MEIOB: variants seen among roughly 807,000 people sequenced by gnomAD.
The protein encoded by MEIOB is meiosis-specific with OB domain-containing protein.
A neutral mutation model predicts 53.1 loss-of-function variants in MEIOB; 50 were observed. That is an observed-to-expected ratio of 0.94 (90% CI 0.75 to 1.19). The LOEUF (loss-of-function observed/expected upper bound fraction) is 1.19, where lower values mean the gene tolerates loss of function less well. Ranked by LOEUF, MEIOB falls within the 50% of genes most tolerant of loss-of-function variation. The pLI is 0.00. For synonymous variants in MEIOB, 192 were observed against 182.5 expected, an observed-to-expected ratio of 1.05 and a Z score of -0.42; for missense variants, 551 against 550.8, an observed-to-expected ratio of 1.00 and a Z score of 0.00.
At chr16:1,841,327 C>T (rs1207009816) in intron 11 of MEIOB, among the ~76,000 whole-genome samples, 1 of 152,096 alleles carries the variant, frequency 6.6e-6, no homozygotes. Flanking sequence ...CTGCAGTTTA[C>T]TTTCTATGCA....
chr16:1,844,624 G>A (rs1898987005), intron 10 of MEIOB, among the ~76,000 whole-genome samples: 1 of 150,800 alleles, frequency 6.6e-6, no homozygotes, highest in Admixed American at 6.6e-5. Flanking sequence ...ATGATACCTG[G>A]CTAATTTTTG....
intron 4 of MEIOB, among the ~76,000 whole-genome samples, chr16:1,860,777 C>T (rs1414311748): frequency 6.6e-6 from 1 of 152,088 alleles, no homozygotes; most frequent in Non-Finnish European, 1.5e-5. Flanking sequence ...TGTTCAATGA[C>T]CCTATTATTC....
intron 6 of MEIOB, among the ~76,000 whole-genome samples, chr16:1,856,412 C>T (rs868679087): frequency 8.6e-5 from 13 of 151,432 alleles, no homozygotes; most frequent in South Asian, 8.4e-4. Context: ...CTCTGCCTCC[C>T]GGGTTCACGC....
At chr16:1,849,131 A>G (rs1276476456) in intron 9 of MEIOB, among the ~76,000 whole-genome samples, 1 of 151,978 alleles carries the variant, frequency 6.6e-6, no homozygotes, top group African/African-American at 2.4e-5. Context: ...CGAAAAGTAC[A>G]AAAATTAGGC....
intron 11 of MEIOB, chr16:1,839,687 A>G: frequency 2.4e-6 from 1 of 418,730 alleles, no homozygotes; most frequent in Non-Finnish European, 4.3e-6. Flanking sequence ...CCCTCTGCCA[A>G]GCCCTCGAGG....
Position 1,841,858 on chromosome 16 carries a change from G to A in MEIOB, c.996C>T (p.Asn332=), listed in dbSNP as rs1276546738. 1.9e-6 allele frequency: 3 copies of A among 1,602,012 alleles called. No homozygotes were observed. The highest frequency in any genetic ancestry group is 2.3e-5 in the South Asian group (2 of 87,374). ...CTACTTTTGTAGTTTCATCATCAAT[G>A]TTGAGTGTGGAAATGTAGGCATAAA... ...GILYAYISTL[N]IDDETTKVVR... is the part of the protein sequence containing the mutation. Residue 332 remains asparagine (N), a synonymous_variant, in exon 11 of 14, where the codon AAC becomes AAT. Transcript: ENST00000325962.
chr16:1,871,519 CTTTTTTTTTTTTT>C (rs71148106), intron 1 of MEIOB, among the ~76,000 whole-genome samples: 3 of 39,782 alleles, frequency 7.5e-5, no homozygotes, highest in African/African-American at 3.3e-4. Context: ...GCGCCCGGCC[CTTTTTTTTTTTTT>C]TTTTTTTTTT....
chr16:1,855,495 GGAGA>G (rs2142091095), intron 6 of MEIOB, among the ~76,000 whole-genome samples: 1 of 152,264 alleles, frequency 6.6e-6, no homozygotes, highest in South Asian at 2.1e-4. Flanking sequence ...AAGCCAAAGG[GGAGA>G]TGAAAGGCAT....
At chr16:1,838,551 G>C (rs2142075663) in intron 12 of MEIOB, among the ~76,000 whole-genome samples, 1 of 152,268 alleles carries the variant, frequency 6.6e-6, no homozygotes, top group Non-Finnish European at 1.5e-5. Flanking sequence ...AAAACGTGTA[G>C]CTGACTTTAT....
intron 4 of MEIOB, among the ~76,000 whole-genome samples, chr16:1,860,689 C>T (rs1239185467): frequency 6.6e-6 from 1 of 151,976 alleles, no homozygotes; most frequent in Non-Finnish European, 1.5e-5. Context: ...ACTAATATTC[C>T]AGCATTTATT....
intron 3 of MEIOB, among the ~76,000 whole-genome samples, chr16:1,865,161 G>A (rs1567281770): frequency 6.6e-6 from 1 of 152,022 alleles, no homozygotes; most frequent in Admixed American, 6.6e-5. Flanking sequence ...GCTGGGCATG[G>A]TGGCTCACAC....
Position 1,853,143 on chromosome 16 carries a change from G to GA in MEIOB, c.683-10dup, listed in dbSNP as rs763075708. 1.1e-5 allele frequency: 18 copies of GA among 1,603,248 alleles called. No individual in the cohort carries two copies. Among genetic ancestry groups the GA allele is most frequent in the Non-Finnish European group, 1.3e-5 (15 of 1,172,568 alleles). On this transcript the variant is annotated splice_polypyrimidine_tract_variant and intron_variant, in intron 8 of 13. Transcript: ENST00000325962. ...ATCTGAGGCAAATATTACTGTTTGG[G>GA]AAAAAAGCCATTTAAAATTATTACA...
At chr16:1,838,061 A>G (rs1567271923) in intron 12 of MEIOB, 191 bp from the exon 13 acceptor site, 2 of 1,095,332 alleles carry the variant, frequency 1.8e-6, no homozygotes, top group Non-Finnish European at 1.3e-6. Flanking sequence ...CAGCAGTGCT[A>G]TCACAGCTCA....
At chr16:1,845,755 G>A (rs1281307414) in intron 9 of MEIOB, among the ~76,000 whole-genome samples, 4 of 152,164 alleles carry the variant, frequency 2.6e-5, no homozygotes, top group African/African-American at 7.2e-5. Context: ...ATTGGCACAT[G>A]AGTGTGCTCA....
At chr16:1,858,483 C>T (rs938419052) in intron 5 of MEIOB, among the ~76,000 whole-genome samples, 2 of 152,150 alleles carry the variant, frequency 1.3e-5, no homozygotes, top group East Asian at 1.9e-4. Context: ...CCCCACTGCT[C>T]GGCCTCACTT....
intron 5 of MEIOB, among the ~76,000 whole-genome samples, chr16:1,858,972 A>G (rs1899376861): frequency 6.6e-6 from 1 of 152,208 alleles, no homozygotes; most frequent in Non-Finnish European, 1.5e-5. Context: ...CACAAGGGAT[A>G]TGGTGGTGAA....
At chr16:1,863,248 G>A (rs1899495251) in intron 3 of MEIOB, among the ~76,000 whole-genome samples, 1 of 152,046 alleles carries the variant, frequency 6.6e-6, no homozygotes, top group East Asian at 1.9e-4. Context: ...GGAGTTCAGT[G>A]ACGCGATCTC....
chr16:1,853,202 T>A lies in MEIOB; in HGVS notation c.682+17A>T. The A allele has an allele frequency of 6.4e-7, 1 of 1,556,980 alleles. No individual in the cohort carries two copies. Among genetic ancestry groups the A allele is most frequent in the Non-Finnish European group, 8.7e-7 (1 of 1,147,074 alleles). ...TATAAATGACAAATATTGGACACAA[T>A]CATTGAATGATAATACCTGTTTCTC... On this transcript the variant is annotated intron_variant, in intron 8 of 13. Coordinates refer to ENST00000325962, the MANE Select transcript of MEIOB (RefSeq NM_001163560.3).
chr16:1,859,854 G>T (rs775101438), intron 5 of MEIOB, among the ~76,000 whole-genome samples: 2 of 152,146 alleles, frequency 1.3e-5, no homozygotes, highest in African/African-American at 4.8e-5. Flanking sequence ...TTGGGGAGTG[G>T]ATGGACTACA....
Sources: allele counts gnomAD v4.1 joint callset (sites outside exome capture counted in the v4.1 genomes callset), GRCh38; gene constraint gnomAD v4.1.1; transcripts MANE v1.5; gene names NCBI Gene and HGNC (gene_info 2026-07-23, HGNC 2026-07-21).